TRERF1: variants seen among roughly 807,000 people sequenced by gnomAD.
TRERF1 encodes the protein transcriptional-regulating factor 1.
Under a neutral mutation model 122.9 loss-of-function variants are expected in TRERF1, and 27 were observed. That is an observed-to-expected ratio of 0.22 (90% CI 0.16 to 0.30). The LOEUF (loss-of-function observed/expected upper bound fraction) is 0.30. Ranked by LOEUF, TRERF1 falls within the 10% of genes least tolerant of loss-of-function variation. The pLI, the probability that TRERF1 is intolerant of heterozygous loss-of-function variation, is 1.00. For missense variants in TRERF1, 1,248 were observed against 1,560.3 expected, an observed-to-expected ratio of 0.80 and a Z score of 3.37; for synonymous variants, 636 against 641.7, an observed-to-expected ratio of 0.99 and a Z score of 0.13.
At chr6:42,301,485 C>T (rs1390319297) in intron 3 of TRERF1, among the ~76,000 whole-genome samples, 2 of 152,220 alleles carry the variant, frequency 1.3e-5, no homozygotes, top group Non-Finnish European at 2.9e-5. Context: ...GCCTCGGCCT[C>T]CCAAAGTGCT....
chr6:42,380,793 G>A (rs1775781887), intron 2 of TRERF1, among the ~76,000 whole-genome samples: 1 of 152,208 alleles, frequency 6.6e-6, no homozygotes, highest in South Asian at 2.1e-4. Context: ...AGATAGCACA[G>A]CCTTTGCACG....
chr6:42,320,506 ATTTT>A (rs397977723), intron 3 of TRERF1, among the ~76,000 whole-genome samples: 1 of 136,740 alleles, frequency 7.3e-6, no homozygotes, highest in Non-Finnish European at 1.6e-5. Context: ...AAGTGAAAGA[ATTTT>A]TTTTTTTTTT....
chr6:42,324,877 G>T (rs1257015873), intron 3 of TRERF1, among the ~76,000 whole-genome samples: 3 of 152,128 alleles, frequency 2.0e-5, no homozygotes, highest in Non-Finnish European at 2.9e-5. Flanking sequence ...AAGAGCAATT[G>T]CAAGAAAAAT....
chr6:42,301,705 G>C (rs909085347), intron 3 of TRERF1, among the ~76,000 whole-genome samples: 41 of 152,202 alleles, frequency 2.7e-4, no homozygotes, highest in African/African-American at 9.4e-4. Context: ...AAGTTACTAA[G>C]CACCGACTCA....
At chr6:42,418,458 A>G (rs143594244) in intron 2 of TRERF1, among the ~76,000 whole-genome samples, 1 of 151,536 alleles carries the variant, frequency 6.6e-6, no homozygotes, top group Non-Finnish European at 1.5e-5. Context: ...TTCAGTAGAC[A>G]TGGGGTTTCA....
At chr6:42,256,130 T>TAAAA (rs11376682) in intron 12 of TRERF1, among the ~76,000 whole-genome samples, 1 of 112,614 alleles carries the variant, frequency 8.9e-6, no homozygotes. Context: ...GACTCCATCT[T>TAAAA]AAAAAAAAAA....
At chr6:42,446,930 G>A (rs1376149449) in intron 2 of TRERF1, among the ~76,000 whole-genome samples, 7 of 152,188 alleles carry the variant, frequency 4.6e-5, no homozygotes, top group South Asian at 2.1e-4. Flanking sequence ...ACTTGGACCC[G>A]AGAGGCAGAG....
At chr6:42,418,141 A>G (rs1782114705) in intron 2 of TRERF1, among the ~76,000 whole-genome samples, 1 of 148,216 alleles carries the variant, frequency 6.7e-6, no homozygotes, top group Admixed American at 6.7e-5. Flanking sequence ...TGATTACACA[A>G]CTGTGGATGG....
At chr6:42,409,235 C>T (rs771867809) in intron 2 of TRERF1, among the ~76,000 whole-genome samples, 26 of 152,174 alleles carry the variant, frequency 1.7e-4, no homozygotes, top group African/African-American at 5.5e-4. Flanking sequence ...GCCGTGATCA[C>T]GCCACTGCAC....
At chr6:42,335,033 T>TA (rs925431209) in intron 3 of TRERF1, among the ~76,000 whole-genome samples, 1 of 152,220 alleles carries the variant, frequency 6.6e-6, no homozygotes, top group African/African-American at 2.4e-5. Flanking sequence ...GCTGGATCAT[T>TA]ATCAGGCTAC....
At position 42,243,293 on chromosome 6, in the gene TRERF1, C is replaced by T. The variant is rs1774093388; in HGVS notation, c.2814G>A (p.Gly938=). 3.7e-6 allele frequency: 6 copies of T among 1,614,050 alleles called. No homozygotes were observed. The South Asian group carries it at 5.5e-5, about 15-fold the overall frequency. ...CTGCCAGGCGTGTCCGGTGTTTCCG[C>T]CCCAGCCGCATGATCTTTTTCCACG... The change falls in exon 15 of 18, where the codon GGG becomes GGA. Residue 938 remains glycine (G), a synonymous_variant. Coordinates refer to ENST00000372922, the Ensembl canonical transcript of TRERF1.
At chr6:42,244,821 C>T (rs1159724404) in intron 14 of TRERF1, among the ~76,000 whole-genome samples, 4 of 152,188 alleles carry the variant, frequency 2.6e-5, no homozygotes, top group Admixed American at 1.3e-4. Context: ...CCCTATTCAA[C>T]CCCAAACAGG....
At chr6:42,423,686 A>G (rs1416056344) in intron 2 of TRERF1, among the ~76,000 whole-genome samples, 1 of 152,232 alleles carries the variant, frequency 6.6e-6, no homozygotes, top group Non-Finnish European at 1.5e-5. Flanking sequence ...TGCACCTAAT[A>G]TCATACTCCA....
At chr6:42,430,392 CA>C (rs1784312758) in intron 2 of TRERF1, among the ~76,000 whole-genome samples, 1 of 152,148 alleles carries the variant, frequency 6.6e-6, no homozygotes, top group South Asian at 2.1e-4. Context: ...TCCCTCACTC[CA>C]AAAAGCAAGG....
intron 3 of TRERF1, among the ~76,000 whole-genome samples, chr6:42,336,225 A>C (rs1181791580): frequency 6.6e-6 from 1 of 152,184 alleles, no homozygotes; most frequent in South Asian, 2.1e-4. Context: ...GAATGAATGG[A>C]AGAACACATG....
chr6:42,357,690 G>T (rs1770864851), intron 3 of TRERF1, among the ~76,000 whole-genome samples: 1 of 152,182 alleles, frequency 6.6e-6, no homozygotes, highest in Non-Finnish European at 1.5e-5. Flanking sequence ...GGGCGAGCGA[G>T]CAGTCTTTCT....
chr6:42,264,852 C>A, exon 7 of TRERF1: 2 of 1,613,946 alleles, frequency 1.2e-6, no homozygotes, highest in South Asian at 1.1e-5. Context: ...TTTGGGTTGG[C>A]CACTGCTCAA....
At chr6:42,285,830 G>A (rs1427843175) in intron 4 of TRERF1, among the ~76,000 whole-genome samples, 6 of 151,278 alleles carry the variant, frequency 4.0e-5, no homozygotes, top group Admixed American at 6.6e-5. Flanking sequence ...AGCCCGCATC[G>A]CCAAGTCAAT....
chr6:42,272,254 G>A (rs1780347753), intron 4 of TRERF1, among the ~76,000 whole-genome samples: 1 of 152,202 alleles, frequency 6.6e-6, no homozygotes, highest in African/African-American at 2.4e-5. Context: ...GGAGTGAGCT[G>A]AGTTGGTCTG....
Sources: allele counts gnomAD v4.1 joint callset (sites outside exome capture counted in the v4.1 genomes callset), GRCh38; gene constraint gnomAD v4.1.1; transcripts MANE v1.5; gene names NCBI Gene and HGNC (gene_info 2026-07-23, HGNC 2026-07-21).